Variants in ZDHHC18 observed in about 807,000 individuals in gnomAD.
The protein encoded by ZDHHC18 is palmitoyltransferase ZDHHC18.
A neutral mutation model predicts 37.5 loss-of-function variants in ZDHHC18; 23 were observed. The ratio of observed to expected loss-of-function variants is 0.61; its 90% CI spans 0.44 to 0.87. The LOEUF is 0.87. Among genes scored for constraint, ZDHHC18 ranks in the 40% least tolerant of loss-of-function variants. ZDHHC18 has a pLI of 0.00. For synonymous variants in ZDHHC18, 185 were observed against 218.7 expected, an observed-to-expected ratio of 0.85 and a Z score of 1.36; for missense variants, 406 against 525.6, an observed-to-expected ratio of 0.77 and a Z score of 2.22.
At chr1:26,836,346 C>G (rs1570668037) in intron 2 of ZDHHC18, among the ~76,000 whole-genome samples, 1 of 152,246 alleles carries the variant, frequency 6.6e-6, no homozygotes, top group East Asian at 1.9e-4. Context: ...TGAACTGGCT[C>G]AGGGCTCTGC....
At chr1:26,848,865 C>T in intron 3 of ZDHHC18, 108 bp downstream of exon 3, 1 of 1,433,990 alleles carries the variant, frequency 7.0e-7, no homozygotes, top group East Asian at 2.5e-5. Context: ...CTGAAATACC[C>T]AGGGCTGGGC....
intron 6 of ZDHHC18, among the ~76,000 whole-genome samples, chr1:26,852,047 C>G (rs896672105): frequency 2.0e-5 from 3 of 152,220 alleles, no homozygotes; most frequent in African/African-American, 7.2e-5. Flanking sequence ...TCCTCTCATT[C>G]AGGGAAACAA....
At chr1:26,837,667 A>C (rs772496709) in intron 2 of ZDHHC18, among the ~76,000 whole-genome samples, 1 of 151,546 alleles carries the variant, frequency 6.6e-6, no homozygotes, top group Admixed American at 6.6e-5. Context: ...TTTAGTAGAG[A>C]TGGGGTTTCA....
chr1:26,851,632 C>T (rs2081705183), intron 6 of ZDHHC18, among the ~76,000 whole-genome samples: 1 of 152,232 alleles, frequency 6.6e-6, no homozygotes, highest in Non-Finnish European at 1.5e-5. Flanking sequence ...CATTCGATGA[C>T]TGAGAGACAT....
intron 2 of ZDHHC18, among the ~76,000 whole-genome samples, chr1:26,845,007 G>A (rs1355214009): frequency 2.0e-5 from 3 of 148,816 alleles, no homozygotes; most frequent in Non-Finnish European, 4.4e-5. Context: ...TGCAATCTCC[G>A]CCTCCTGAGT....
intron 1 of ZDHHC18, among the ~76,000 whole-genome samples, chr1:26,830,540 C>T (rs1358030566): frequency 6.6e-6 from 1 of 151,242 alleles, no homozygotes; most frequent in African/African-American, 2.5e-5. Flanking sequence ...CTGTACATAG[C>T]ACAGTAACTA....
intron 2 of ZDHHC18, among the ~76,000 whole-genome samples, chr1:26,845,320 C>CTTTTTTTTTTTTTTTTTTTTTTTT (rs71007896): frequency 4.4e-5 from 2 of 45,198 alleles, no homozygotes; most frequent in African/African-American, 1.3e-4. Context: ...CTTCTTCATT[C>CTTTTTTTTTTTTTTTTTTTTTTTT]TTTTTTTTTT....
chr1:26,853,720 TG>T lies in ZDHHC18; in HGVS notation c.1050-4del. On this transcript the variant is annotated splice_region_variant and splice_polypyrimidine_tract_variant and intron_variant, in intron 7 of 7. Transcript: ENST00000374142. Reference sequence around the variant, plus strand: ...GCCCTCATGTGTCTCCCTTGTGTTTTGGAAGCCTAATTGACCGGAGGGGATT... The same window carrying T: ...GCCCTCATGTGTCTCCCTTGTGTTTTGAAGCCTAATTGACCGGAGGGGATT... 6.2e-7 allele frequency: 1 copy of T among 1,613,944 alleles called. No individual in the cohort carries two copies. Among genetic ancestry groups the T allele is most frequent in the Non-Finnish European group, 8.5e-7 (1 of 1,179,914 alleles).
chr1:26,851,233 T>C lies in ZDHHC18; in HGVS notation c.936+2T>C. ...TCCAACCTGACTACTAATGAAGACG[T>C]GAGTAAACCTGGAGCCACCCCTCAT... On this transcript the variant is annotated splice_donor_variant, in intron 6 of 7. Coordinates refer to ENST00000374142, the MANE Select transcript of ZDHHC18 (RefSeq NM_032283.3). LOFTEE classifies it high-confidence loss of function. 1 of 1,613,792 alleles carries C rather than the reference T, an allele frequency of 6.2e-7. No individual in the cohort carries two copies. The highest frequency in any genetic ancestry group is 1.1e-5 in the South Asian group (1 of 91,076).
intron 1 of ZDHHC18, among the ~76,000 whole-genome samples, chr1:26,829,521 A>G (rs756858890): frequency 1.6e-4 from 25 of 152,106 alleles, no homozygotes; most frequent in Non-Finnish European, 2.9e-4. Flanking sequence ...CCATCCGCAC[A>G]GCATAGCAAA....
intron 2 of ZDHHC18, among the ~76,000 whole-genome samples, chr1:26,836,234 C>T (rs564165695): frequency 5.0e-4 from 76 of 152,288 alleles, no homozygotes; most frequent in African/African-American, 1.5e-3. Context: ...ACAGAGGCTG[C>T]GTCTCTCTCC....
chr1:26,838,381 A>G (rs2081623243), intron 2 of ZDHHC18, among the ~76,000 whole-genome samples: 1 of 152,096 alleles, frequency 6.6e-6, no homozygotes, highest in African/African-American at 2.4e-5. Flanking sequence ...GGACTCAAGC[A>G]GTCCTCCAGC....
rs1390845748 is a variant in ZDHHC18, at chr1:26,850,663, G to T, written c.833+57G>T. 1.3e-6 allele frequency: 2 copies of T among 1,595,910 alleles called. No individual in the cohort carries two copies. The highest frequency in any genetic ancestry group is 1.1e-5 in the South Asian group (1 of 90,090). On this transcript the variant is annotated intron_variant, in intron 5 of 7. Transcript: ENST00000374142. This position sits in a 1 kb window ranked among gnomAD's most constrained non-coding sequence, Gnocchi z 6.1. ...GGGAACTGAGGTCCCTTCACTGGGT[G>T]GGTGCCCTGCCTCATCCTCTAATCA...
At chr1:26,848,834 T>TG (rs2081686993) in intron 3 of ZDHHC18, 77 bp downstream of exon 3, 1 of 1,550,596 alleles carries the variant, frequency 6.4e-7, no homozygotes, top group Non-Finnish European at 8.8e-7. Context: ...GCATCAAGCA[T>TG]GGGGATGGCG....
chr1:26,855,855 AT>A lies in ZDHHC18; in HGVS notation c.*2016del. The A allele has an allele frequency of 5.5e-6, 1 of 182,576 alleles. No homozygotes were observed. The highest frequency in any genetic ancestry group is 1.2e-5 in the Non-Finnish European group (1 of 83,028). The allele number at this position is 182,576 out of a possible 1,614,324, so 11.3% of individuals were successfully genotyped here. On this transcript the variant is annotated 3_prime_UTR_variant, in exon 8 of 8. Transcript: ENST00000374142. ...GCAGGCAGCCCAGTGATCTGGCTAC[AT>A]TTTCCCTCACCTGGCTGGAGCTCTG... is the stretch of plus-strand genomic sequence containing the variant.
In ZDHHC18 at chr1:26,856,380, G is replaced by A. The variant is rs1032182484; in HGVS notation, c.*2537G>A. The A allele has an allele frequency of 3.8e-5, 13 of 345,818 alleles. No individual in the cohort carries two copies. The highest frequency in any genetic ancestry group is 1.7e-4 in the Admixed American group (6 of 36,038). 21.4% of individuals were successfully genotyped at this position (345,818 alleles called of 1,614,324 possible). ...CGTCCATCTGTCTGGTGTGTGGTGC[G>A]GTGTGTGTGCTGGTGGTGGTAGGGT... On this transcript the variant is annotated 3_prime_UTR_variant, in exon 8 of 8. Transcript: ENST00000374142. This position sits in a 1 kb window ranked among gnomAD's most constrained non-coding sequence, Gnocchi z 5.2.
At chr1:26,853,377 C>T (rs567160476) in intron 7 of ZDHHC18, among the ~76,000 whole-genome samples, 40 of 152,324 alleles carry the variant, frequency 2.6e-4, no homozygotes, top group African/African-American at 9.4e-4. Flanking sequence ...TCCCTGTCAC[C>T]CAGCCTGCCT....
At chr1:26,837,424 G>T (rs1041112955) in intron 2 of ZDHHC18, among the ~76,000 whole-genome samples, 1 of 146,070 alleles carries the variant, frequency 6.8e-6, no homozygotes, top group African/African-American at 2.5e-5. Context: ...TATTTAATAT[G>T]TATAATATAT....
intron 2 of ZDHHC18, among the ~76,000 whole-genome samples, chr1:26,838,448 C>T (rs1010815047): frequency 6.6e-6 from 1 of 152,204 alleles, no homozygotes; most frequent in Admixed American, 6.5e-5. Flanking sequence ...CGGCCTGTTG[C>T]TTTCTTGAAT....
Sources: allele counts gnomAD v4.1 joint callset (sites outside exome capture counted in the v4.1 genomes callset), GRCh38; gene constraint gnomAD v4.1.1; non-coding constraint Gnocchi (gnomAD v3.1); transcripts MANE v1.5; gene names NCBI Gene and HGNC (gene_info 2026-07-23, HGNC 2026-07-21).